SRBD1: variants seen among roughly 807,000 people sequenced by gnomAD.
SRBD1 encodes S1 RNA-binding domain-containing protein 1.
SRBD1 carries 88 observed loss-of-function variants against 115.3 expected under a neutral mutation model. The ratio of observed to expected loss-of-function variants is 0.76; its 90% confidence interval spans 0.64 to 0.91. SRBD1 has a LOEUF of 0.91. Among genes scored for constraint, SRBD1 ranks in the 40% least tolerant of loss-of-function variants. The pLI is 0.00. For missense variants in SRBD1, 1,385 were observed against 1,177.4 expected (o/e 1.18, Z -2.58); for synonymous variants, 509 against 407.7 (o/e 1.25, Z -2.99).
chr2:45,575,762 G>T (rs965908619), intron 7 of SRBD1, among the ~76,000 whole-genome samples: 1 of 152,078 alleles, frequency 6.6e-6, no homozygotes, highest in African/African-American at 2.4e-5. Context: ...GGAGTGCAGT[G>T]GTGCGATCTT....
Position 45,411,283 on chromosome 2 carries a change from AC to A in SRBD1, c.2513+1830del, listed in dbSNP as rs1160796605. Among the ~76,000 whole-genome samples, 5 of 152,328 alleles carry A rather than the reference AC, an allele frequency of 3.3e-5. No individual in the cohort carries two copies. The East Asian group carries it at 7.7e-4, about 24-fold the overall frequency. ...AGGCCACGAAAGTGTTCTATGTTGT[AC>A]TGAGAGTAGACAGTATAAAAAAGTT... On this transcript the variant is annotated intron_variant, in intron 19 of 20. Transcript: ENST00000263736.
intron 14 of SRBD1, among the ~76,000 whole-genome samples, chr2:45,492,368 T>C (rs927197539): frequency 2.2e-4 from 34 of 152,200 alleles, no homozygotes; most frequent in African/African-American, 7.5e-4. Context: ...TTATTATCAT[T>C]ATTATATTTT....
At chr2:45,403,489 CA>C (rs1428284421) in intron 19 of SRBD1, among the ~76,000 whole-genome samples, 8 of 152,050 alleles carry the variant, frequency 5.3e-5, no homozygotes, top group Admixed American at 5.2e-4. Context: ...ATTGCCGTAT[CA>C]GTATTTGTCA....
rs568063861 is a variant in SRBD1 at position 45,539,876 on chromosome 2, T to C, written c.1874+6856A>G. Among the ~76,000 whole-genome samples the C allele has an allele frequency of 5.3e-5, 8 of 152,162 alleles. 1 individual carries two copies. Among genetic ancestry groups the C allele is most frequent in the East Asian group, 3.9e-4 (2 of 5,178 alleles). ...AAGCAGAACCAGCAATTACAGCATA[T>C]AGCAGAAATAAAATTACAAGGATTC... On this transcript the variant is annotated intron_variant, in intron 14 of 20. Coordinates refer to ENST00000263736, the MANE Select transcript of SRBD1 (RefSeq NM_018079.5).
chr2:45,460,412 C>T (rs1276376909), intron 16 of SRBD1, among the ~76,000 whole-genome samples: 1 of 152,250 alleles, frequency 6.6e-6, no homozygotes, highest in Non-Finnish European at 1.5e-5. Flanking sequence ...AACTAGGGAA[C>T]AAACCACCTC....
At position 45,596,950 on chromosome 2, in the gene SRBD1, A is replaced by ACACC. The variant is rs1411506377; in HGVS notation, c.648+2498_648+2499insGGTG. 3.4e-3 allele frequency among the ~76,000 whole-genome samples: 496 copies of ACACC among 145,740 alleles called. 1 individual carries two copies. Among genetic ancestry groups the ACACC allele is most frequent in the African/African-American group, 0.01 (391 of 39,050 alleles). On this transcript the variant is annotated intron_variant, in intron 4 of 20. Coordinates refer to ENST00000263736, the MANE Select transcript of SRBD1 (RefSeq NM_018079.5). Reference sequence around the variant, plus strand: ...CCCTAACACACACACACACACACACACCCACAACCCTAACACACACACCCA... The same window carrying ACACC: ...CCCTAACACACACACACACACACACACACCCCCACAACCCTAACACACACACCCA...
chr2:45,528,030 A>G (rs1287648327), intron 14 of SRBD1, among the ~76,000 whole-genome samples: 2 of 151,902 alleles, frequency 1.3e-5, no homozygotes, highest in African/African-American at 4.8e-5. Flanking sequence ...TAATAAAACA[A>G]TGTTGAAAAT....
At chr2:45,483,140 TGA>T (rs1217238897) in intron 15 of SRBD1, among the ~76,000 whole-genome samples, 2 of 152,002 alleles carry the variant, frequency 1.3e-5, no homozygotes, top group Non-Finnish European at 2.9e-5. Context: ...CCACAGAAAT[TGA>T]GAGAGTTGCA....
chr2:45,449,993 G>A (rs1414018646), intron 16 of SRBD1, among the ~76,000 whole-genome samples: 2 of 152,096 alleles, frequency 1.3e-5, no homozygotes, highest in African/African-American at 4.8e-5. Flanking sequence ...ACATACAGCT[G>A]TTCAGGGTTA....
intron 16 of SRBD1, among the ~76,000 whole-genome samples, chr2:45,460,945 C>A (rs1053495207): frequency 2.7e-4 from 41 of 152,192 alleles, no homozygotes; most frequent in Non-Finnish European, 1.6e-4. Flanking sequence ...AAAGTAGATA[C>A]AAAGTCACCA....
At chr2:45,610,820 C>A (rs544782187) in intron 1 of SRBD1, among the ~76,000 whole-genome samples, 1 of 151,496 alleles carries the variant, frequency 6.6e-6, no homozygotes, top group Non-Finnish European at 1.5e-5. Flanking sequence ...CCCAGCTACT[C>A]GGGAGGCTGA....
chr2:45,549,055 A>C (rs1672209614), intron 12 of SRBD1: 1 of 152,234 alleles, frequency 6.6e-6, no homozygotes, highest in South Asian at 2.1e-4. Flanking sequence ...TTCAGCACAA[A>C]GGGGATCCAG....
chr2:45,544,101 CG>C (rs1672032146), intron 14 of SRBD1, among the ~76,000 whole-genome samples: 1 of 151,846 alleles, frequency 6.6e-6, no homozygotes, highest in South Asian at 2.1e-4. Flanking sequence ...GGCATGGTGG[CG>C]GGCACCTGTA....
chr2:45,389,348 G>T lies in SRBD1; in HGVS notation c.2950C>A (p.Arg984=), dbSNP rs765857113. 7.4e-6 allele frequency: 12 copies of T among 1,613,964 alleles called. No individual in the cohort carries two copies. In the Middle Eastern group the frequency reaches 1.2e-3, roughly 155 times the overall value. ...ATGAGGTCCAGAGTAATCCTAGATC[G>T]GGGGATGTCAATGTTGAGTACTTGG... is the stretch of plus-strand genomic sequence containing the variant. ...EVQVLNIDIP[R]SRITLDLIRV... Residue 984 remains arginine (R), a synonymous_variant, in exon 21 of 21, where the codon CGA becomes AGA. Coordinates refer to ENST00000263736, the MANE Select transcript of SRBD1 (RefSeq NM_018079.5).
At position 45,414,595 on chromosome 2, in the gene SRBD1, A is replaced by G. The variant is rs190165769; in HGVS notation, c.2334-1302T>C. Among the ~76,000 whole-genome samples, 28 of 149,204 alleles carry G rather than the reference A, an allele frequency of 1.9e-4. No individual in the cohort carries two copies. The East Asian group carries it at 5.1e-3, about 27-fold the overall frequency. On this transcript the variant is annotated intron_variant, in intron 18 of 20. Coordinates refer to ENST00000263736, the MANE Select transcript of SRBD1 (RefSeq NM_018079.5). Reference sequence around the variant, plus strand: ...TAGTGTGTATATAGTGTGTGTGTACACATAGTGTGTATAGTGTGTGTACAC... The same window carrying G: ...TAGTGTGTATATAGTGTGTGTGTACGCATAGTGTGTATAGTGTGTGTACAC...
At chr2:45,467,348 G>A (rs562327724) in intron 16 of SRBD1, among the ~76,000 whole-genome samples, 1 of 152,140 alleles carries the variant, frequency 6.6e-6, no homozygotes, top group African/African-American at 2.4e-5. Flanking sequence ...TAATCTTAAG[G>A]TTTCTCATTT....
rs1465361666 is a variant in SRBD1, at chr2:45,581,892, T to C, written c.816-82A>G. 4 of 1,138,512 alleles carry C rather than the reference T, an allele frequency of 3.5e-6. No individual in the cohort carries two copies. The African/African-American group carries it at 4.7e-5, about 13-fold the overall frequency. The allele number at this position is 1,138,512 out of a possible 1,614,324, so 70.5% of individuals were successfully genotyped here. A position where few individuals can be genotyped will look rare whatever the true frequency, so the allele number is the denominator to read the frequency against. ...AAGCTACCTCAAACTTACAGAAAAG[T>C]TGCAGGTAAAGTAAAAGGAACTTTA... is the stretch of plus-strand genomic sequence containing the variant. On this transcript the variant is annotated intron_variant, in intron 5 of 20. Transcript: ENST00000263736.
At chr2:45,443,088 T>A (rs940337703) in intron 16 of SRBD1, among the ~76,000 whole-genome samples, 2 of 152,168 alleles carry the variant, frequency 1.3e-5, no homozygotes, top group African/African-American at 4.8e-5. Flanking sequence ...GGCAAGGAGT[T>A]TGAATTTTAT....
chr2:45,531,853 T>C (rs1162775959), intron 14 of SRBD1, among the ~76,000 whole-genome samples: 1 of 151,850 alleles, frequency 6.6e-6, no homozygotes, highest in East Asian at 1.9e-4. Flanking sequence ...CTTCTTCTCA[T>C]ATGACTCAAT....
Sources: gnomAD v4.1 joint callset for allele counts (sites outside exome capture counted in the v4.1 genomes callset) on GRCh38, gnomAD v4.1.1 for gene constraint, MANE v1.5 for transcripts, NCBI Gene and HGNC (gene_info 2026-07-23, HGNC 2026-07-21) for gene names.